Variants in CISD1 observed in about 807,000 individuals in gnomAD.
The protein encoded by CISD1 is CDGSH iron sulfur domain 1.
CISD1 carries 8 observed loss-of-function variants against 12.0 expected under a neutral mutation model. That is an observed-to-expected ratio of 0.67 (90% confidence interval 0.39 to 1.20). The LOEUF (loss-of-function observed/expected upper bound fraction) is 1.20, where lower values mean the gene tolerates loss of function less well. Ranked by LOEUF, CISD1 falls within the 50% of genes most tolerant of loss-of-function variation. The pLI is 0.01. For synonymous variants in CISD1, 38 were observed against 42.2 expected, an observed-to-expected ratio of 0.90 and a Z score of 0.39; for missense variants, 107 against 132.7, an observed-to-expected ratio of 0.81 and a Z score of 0.95.
chr10:58,281,683 A>T (rs1424208833), intron 2 of CISD1, among the ~76,000 whole-genome samples: 1 of 152,198 alleles, frequency 6.6e-6, no homozygotes, highest in African/African-American at 2.4e-5. Flanking sequence ...CCCTCATACA[A>T]ACCAGTTGTA....
At chr10:58,276,265 A>G (rs1839314065) in intron 1 of CISD1, 1 of 152,228 alleles carries the variant, frequency 6.6e-6, no homozygotes, top group African/African-American at 2.4e-5. Flanking sequence ...CTTGAAAAGA[A>G]TAACTAGATG....
chr10:58,271,429 A>G lies in CISD1; in HGVS notation c.31+2125A>G, dbSNP rs1210264419. Among the ~76,000 whole-genome samples the G allele has an allele frequency of 2.6e-5, 4 of 152,118 alleles. No homozygotes were observed. In the South Asian group the frequency reaches 6.2e-4, roughly 24 times the overall value. ...GCCTTTGTAAATCTCTTCTACCAAC[A>G]TTTTCCTCCTCAATATAGTAGTAGG... On this transcript the variant is annotated intron_variant, in intron 1 of 2. Coordinates refer to ENST00000333926, the MANE Select transcript of CISD1 (RefSeq NM_018464.5).
rs752640135 is a variant in CISD1, at chr10:58,271,041, C to CTTTTTTTTT, written c.31+1738_31+1739insTTTTTTTTT. Among the ~76,000 whole-genome samples, 304 of 112,490 alleles carry CTTTTTTTTT rather than the reference C, an allele frequency of 2.7e-3. 1 individual carries two copies. The highest frequency in any genetic ancestry group is 5.1e-3 in the African/African-American group (110 of 21,426). 73.8% of individuals were successfully genotyped at this position (112,490 alleles called of 152,430 possible). Reference sequence around the variant, plus strand: ...TGTGAGACACCACACGTTGCCATGACTATTTTTTTTTTTTTTGAGGCGGAG... The same window carrying CTTTTTTTTT: ...TGTGAGACACCACACGTTGCCATGACTTTTTTTTTTATTTTTTTTTTTTTTGAGGCGGAG... On this transcript the variant is annotated intron_variant, in intron 1 of 2. Transcript: ENST00000333926.
At chr10:58,279,531 G>T (rs1367395605) in intron 2 of CISD1, among the ~76,000 whole-genome samples, 1 of 152,088 alleles carries the variant, frequency 6.6e-6, no homozygotes, top group Non-Finnish European at 1.5e-5. Flanking sequence ...ATTCCTTGAT[G>T]ACTATATTGA....
rs926622008 is a variant in CISD1, at chr10:58,269,243, C to G, written c.-31C>G. 2.5e-6 allele frequency: 4 copies of G among 1,605,958 alleles called. No individual in the cohort carries two copies. Among genetic ancestry groups the G allele is most frequent in the Non-Finnish European group, 3.4e-6 (4 of 1,179,232 alleles). On this transcript the variant is annotated 5_prime_UTR_variant, in exon 1 of 3. Transcript: ENST00000333926. ...CGCGAACCCGTTTGAGCTCGGTATC[C>G]TAGTGCACACGCCTTGCAAGCGACG...
At chr10:58,282,023 G>A (rs531433344) in intron 2 of CISD1, among the ~76,000 whole-genome samples, 4 of 150,634 alleles carry the variant, frequency 2.7e-5, no homozygotes, top group South Asian at 4.2e-4. Context: ...GTACAGTGTC[G>A]TGATCTCAGC....
At chr10:58,277,423 T>C (rs1036018831) in intron 2 of CISD1, 101 bp downstream of exon 2, 7 of 832,074 alleles carry the variant, frequency 8.4e-6, no homozygotes, top group Non-Finnish European at 1.3e-5. Context: ...ATGATATCCC[T>C]TTTTTGTTGT....
At chr10:58,280,798 G>A (rs2132282151) in intron 2 of CISD1, among the ~76,000 whole-genome samples, 1 of 152,332 alleles carries the variant, frequency 6.6e-6, no homozygotes, top group Middle Eastern at 3.4e-3. Flanking sequence ...GTAGAAGAGG[G>A]AAAAGTTTCA....
intron 1 of CISD1, among the ~76,000 whole-genome samples, chr10:58,271,514 A>T (rs1385938787): frequency 6.6e-6 from 1 of 152,128 alleles, no homozygotes; most frequent in African/African-American, 2.4e-5. Flanking sequence ...TAGATCACAC[A>T]CAAGTTTGGT....
Position 58,277,324 on chromosome 10 carries a change from T to G in CISD1, c.237+2T>G, listed in dbSNP as rs951692703. The G allele has an allele frequency of 6.4e-6, 10 of 1,569,606 alleles. No homozygotes were observed. Among genetic ancestry groups the G allele is most frequent in the Non-Finnish European group, 8.6e-6 (10 of 1,159,332 alleles). ...TGCCGTTGTTGGAGGTCCAAAAAGGTGAGGAAAGCAATTCCTTCATACAGT... is the reference window on the plus strand; with the variant it reads ...TGCCGTTGTTGGAGGTCCAAAAAGGGGAGGAAAGCAATTCCTTCATACAGT... On this transcript the variant is annotated splice_donor_variant, in intron 2 of 2. Transcript: ENST00000333926. LOFTEE classifies it high-confidence loss of function.
intron 1 of CISD1, among the ~76,000 whole-genome samples, chr10:58,271,076 G>C (rs1264158360): frequency 7.1e-6 from 1 of 139,982 alleles, no homozygotes; most frequent in South Asian, 2.2e-4. Flanking sequence ...GTCTCGCTCT[G>C]TCGCCCAGGC....
chr10:58,270,632 C>A (rs925908420), intron 1 of CISD1, among the ~76,000 whole-genome samples: 3 of 152,138 alleles, frequency 2.0e-5, no homozygotes, highest in African/African-American at 7.2e-5. Context: ...ATTTAGGTTG[C>A]ATATTATTGA....
At chr10:58,274,538 AG>A (rs1291489839) in intron 1 of CISD1, among the ~76,000 whole-genome samples, 2 of 151,152 alleles carry the variant, frequency 1.3e-5, no homozygotes, top group African/African-American at 4.9e-5. Flanking sequence ...AAAAAAAAAA[AG>A]AAATGGAAAT....
intron 2 of CISD1, among the ~76,000 whole-genome samples, chr10:58,285,732 A>G (rs73284363): frequency 0.015 from 2,299 of 152,314 alleles, 57 homozygotes; most frequent in African/African-American, 0.053. Flanking sequence ...CTTGTTAAAA[A>G]TGATTTTATA....
intron 1 of CISD1, among the ~76,000 whole-genome samples, chr10:58,274,590 C>G (rs986901924): frequency 1.3e-5 from 2 of 151,430 alleles, no homozygotes; most frequent in South Asian, 4.2e-4. Flanking sequence ...AGCTATTTTC[C>G]TCGAACACAT....
At chr10:58,272,612 AT>A (rs1402487979) in intron 1 of CISD1, among the ~76,000 whole-genome samples, 1 of 152,168 alleles carries the variant, frequency 6.6e-6, no homozygotes, top group Non-Finnish European at 1.5e-5. Context: ...CCTATAAGTT[AT>A]AAACAATAAA....
intron 1 of CISD1, among the ~76,000 whole-genome samples, chr10:58,272,852 G>A (rs761635535): frequency 9.2e-5 from 14 of 152,196 alleles, no homozygotes; most frequent in Non-Finnish European, 1.8e-4. Context: ...CCAGGAGGCA[G>A]AGGTTGCGGT....
intron 2 of CISD1, among the ~76,000 whole-genome samples, chr10:58,283,930 T>C (rs1839400156): frequency 6.6e-6 from 1 of 152,234 alleles, no homozygotes; most frequent in Admixed American, 6.5e-5. Flanking sequence ...GTATCAATAC[T>C]ACACGAACTG....
Position 58,279,267 on chromosome 10 carries a change from T to G in CISD1, c.237+1945T>G, listed in dbSNP as rs189478104. Among the ~76,000 whole-genome samples, 58 of 152,306 alleles carry G rather than the reference T, an allele frequency of 3.8e-4. No homozygotes were observed. The East Asian group carries it at 8.3e-3, about 22-fold the overall frequency. On this transcript the variant is annotated intron_variant, in intron 2 of 2. Coordinates refer to ENST00000333926, the MANE Select transcript of CISD1 (RefSeq NM_018464.5). Reference sequence around the variant, plus strand: ...ACATAAGTAAATTTTGTGTTTAGGCTTGGATCCCATCCCCAAGATAACCTC... The same window carrying G: ...ACATAAGTAAATTTTGTGTTTAGGCGTGGATCCCATCCCCAAGATAACCTC...
Sources: allele counts gnomAD v4.1 joint callset (sites outside exome capture counted in the v4.1 genomes callset), GRCh38; gene constraint gnomAD v4.1.1; transcripts MANE v1.5; gene names NCBI Gene and HGNC (gene_info 2026-07-23, HGNC 2026-07-21).